The following SUCLA2 variants were observed in gnomAD, a reference collection of about 807,000 sequenced individuals.
The protein encoded by SUCLA2 is succinate--CoA ligase [ADP-forming] subunit beta, mitochondrial.
SUCLA2 carries 30 observed loss-of-function variants against 54.8 expected under a neutral mutation model. That is an observed-to-expected ratio of 0.55 (90% CI 0.41 to 0.74). The LOEUF (loss-of-function observed/expected upper bound fraction) is 0.74, where lower values mean the gene tolerates loss of function less well. Among genes scored for constraint, SUCLA2 ranks in the 30% least tolerant of loss-of-function variants. The probability of loss-of-function intolerance (pLI) is 0.00; values close to 1 mark genes in which losing one functional copy is unlikely to be tolerated. For missense variants in SUCLA2, 476 were observed against 562.9 expected (o/e 0.85, Z 1.56); for synonymous variants, 172 against 188.9 (o/e 0.91, Z 0.74).
intron 6 of SUCLA2, 139 bp downstream of exon 6, chr13:47,968,452 TATTC>T (rs1949936232): frequency 2.2e-6 from 2 of 901,488 alleles, no homozygotes. Flanking sequence ...TATTTGTTCA[TATTC>T]ATTCTATCTG....
Position 47,996,867 on chromosome 13 carries a change from C to A in SUCLA2, c.247G>T (p.Ala83Ser). 1 of 1,613,654 alleles carries A rather than the reference C, an allele frequency of 6.2e-7. No homozygotes were observed. The highest frequency in any genetic ancestry group is 1.7e-5 in the Admixed American group (1 of 59,998). The change falls in exon 2 of 11, where the codon GCT (alanine) becomes TCT (serine). Residue 83 changes from alanine (A) to serine (S), a missense_variant. Around this residue, in one of 2 missense-constraint regions of SUCLA2, gnomAD observed 134 missense variants for 118.7 expected, o/e 1.13. Transcript: ENST00000646932. ...KGYVAKSPDE[A>S]YAIAKKLGSK... ...CCTAATTTTTTGGCAATTGCATAAGCTTCATCTGGTGACTTTGCCACATAT... is the reference window on the plus strand; with the variant it reads ...CCTAATTTTTTGGCAATTGCATAAGATTCATCTGGTGACTTTGCCACATAT...
chr13:47,989,091 T>A, intron 2 of SUCLA2, 110 bp from the exon 3 acceptor site: 1 of 1,089,270 alleles, frequency 9.2e-7, no homozygotes. Flanking sequence ...AAGTCTAATT[T>A]ATTCACAATG....
Position 47,959,270 on chromosome 13 carries a change from A to G in SUCLA2, c.803-4713T>C, listed in dbSNP as rs994746655. Reference sequence around the variant, plus strand: ...AAGGTAGTAAGGAAACAAGTGGGGGAGAAAGGTATGAAAAAAATTATGTAT... The same window carrying G: ...AAGGTAGTAAGGAAACAAGTGGGGGGGAAAGGTATGAAAAAAATTATGTAT... On this transcript the variant is annotated intron_variant, in intron 6 of 10. Transcript: ENST00000646932. Among the ~76,000 whole-genome samples the G allele has an allele frequency of 3.3e-5, 5 of 152,048 alleles. No homozygotes were observed. In the East Asian group the frequency reaches 9.6e-4, roughly 29 times the overall value.
intron 5 of SUCLA2, among the ~76,000 whole-genome samples, chr13:47,969,997 G>A (rs1949949541): frequency 6.6e-6 from 1 of 151,516 alleles, no homozygotes. Context: ...AGCTACTCGA[G>A]AGGCTGAGAC....
intron 2 of SUCLA2, among the ~76,000 whole-genome samples, chr13:47,994,111 T>C (rs1199733991): frequency 1.3e-5 from 2 of 152,034 alleles, no homozygotes; most frequent in East Asian, 3.9e-4. Context: ...TTATGAATTT[T>C]GCAGAAAGTC....
Position 47,943,022 on chromosome 13 carries a change from G to C in SUCLA2, c.*349C>G, listed in dbSNP as rs886050258. 1 of 276,476 alleles carries C rather than the reference G, an allele frequency of 3.6e-6. No individual in the cohort carries two copies. Among genetic ancestry groups the C allele is most frequent in the Non-Finnish European group, 7.0e-6 (1 of 142,174 alleles). 17.1% of individuals were successfully genotyped at this position (276,476 alleles called of 1,614,324 possible). On this transcript the variant is annotated 3_prime_UTR_variant, in exon 11 of 11. Coordinates refer to ENST00000646932, the MANE Select transcript of SUCLA2 (RefSeq NM_003850.3). ...AGATATACTGTATTTTAACACTAAA[G>C]AATAAAGCTTTATCTTCGTATTTAT...
chr13:47,968,476 TA>T, intron 6 of SUCLA2, 118 bp downstream of exon 6: 2 of 1,173,718 alleles, frequency 1.7e-6, no homozygotes, highest in Non-Finnish European at 2.4e-6. Flanking sequence ...GATTTTTTTT[TA>T]AAAAGCTTCT....
chr13:47,979,418 A>G (rs534409212), intron 4 of SUCLA2, among the ~76,000 whole-genome samples: 3 of 152,282 alleles, frequency 2.0e-5, no homozygotes, highest in South Asian at 2.1e-4. Flanking sequence ...TGTTCTCATC[A>G]TAAGTGGGAG....
chr13:47,965,771 A>C (rs1316283688), intron 6 of SUCLA2: 2 of 392,496 alleles, frequency 5.1e-6, no homozygotes, highest in African/African-American at 4.1e-5. Context: ...TATATAAGAG[A>C]ACGTTCTTGG....
chr13:47,956,125 A>T, intron 6 of SUCLA2, among the ~76,000 whole-genome samples: 1 of 152,220 alleles, frequency 6.6e-6, no homozygotes, highest in East Asian at 1.9e-4. Context: ...CCAAATTTAG[A>T]ATAATCAGAA....
chr13:47,954,673 TG>T, intron 6 of SUCLA2, 116 bp from the exon 7 acceptor site: 1 of 1,117,978 alleles, frequency 8.9e-7, no homozygotes, highest in South Asian at 1.5e-5. Context: ...TGTTACTTAA[TG>T]AAAATATTTC....
intron 5 of SUCLA2, among the ~76,000 whole-genome samples, chr13:47,970,080 C>T (rs1593489374): frequency 6.8e-6 from 1 of 147,528 alleles, no homozygotes; most frequent in African/African-American, 2.5e-5. Flanking sequence ...CCTGCCTGGG[C>T]GACAGAGTGA....
At chr13:47,955,624 T>C (rs1431768290) in intron 6 of SUCLA2, among the ~76,000 whole-genome samples, 3 of 152,256 alleles carry the variant, frequency 2.0e-5, no homozygotes, top group South Asian at 2.1e-4. Flanking sequence ...AAAAACTATA[T>C]GTGATCCATA....
At chr13:47,998,174 G>C (rs540084814) in intron 1 of SUCLA2, among the ~76,000 whole-genome samples, 1 of 152,020 alleles carries the variant, frequency 6.6e-6, no homozygotes, top group Non-Finnish European at 1.5e-5. Flanking sequence ...CTACTCCTGA[G>C]ACTGAGGCAG....
intron 2 of SUCLA2, among the ~76,000 whole-genome samples, chr13:47,995,982 G>T (rs1237523767): frequency 6.6e-6 from 1 of 152,062 alleles, no homozygotes; most frequent in African/African-American, 2.4e-5. Context: ...TTACCTAAGT[G>T]TCAGGCATTC....
intron 6 of SUCLA2, among the ~76,000 whole-genome samples, chr13:47,955,732 T>C (rs1949815420): frequency 6.6e-6 from 1 of 152,070 alleles, no homozygotes; most frequent in African/African-American, 2.4e-5. Flanking sequence ...CTAATCAGGC[T>C]TTTACTCCCA....
chr13:47,978,929 G>A (rs763000621), intron 4 of SUCLA2, among the ~76,000 whole-genome samples: 1 of 152,204 alleles, frequency 6.6e-6, no homozygotes, highest in Admixed American at 6.5e-5. Flanking sequence ...TATCATCACT[G>A]GTCATTAGAG....
rs1235426336 is a variant in SUCLA2, at chr13:47,988,528, T to C, written c.534+13A>G. On this transcript the variant is annotated intron_variant, in intron 4 of 10. Coordinates refer to ENST00000646932, the MANE Select transcript of SUCLA2 (RefSeq NM_003850.3). The stretch of plus-strand genomic sequence containing the variant: ...AAATTTATCCCGTATGTATCATGTC[T>C]ACAATTACTCACTTGAAATGACCTT... 4 of 1,613,390 alleles carry C rather than the reference T, an allele frequency of 2.5e-6. No individual in the cohort carries two copies. The highest frequency in any genetic ancestry group is 1.1e-5 in the South Asian group (1 of 91,050).
intron 10 of SUCLA2, among the ~76,000 whole-genome samples, chr13:47,943,762 G>GTATATATATATATATA (rs1419922780): frequency 2.0e-4 from 27 of 133,354 alleles, no homozygotes; most frequent in African/African-American, 8.2e-4. Context: ...GTGTGTGTGT[G>GTATATATATATATATA]TGTGTATATA....
Sources: gnomAD v4.1 joint callset for allele counts (sites outside exome capture counted in the v4.1 genomes callset) on GRCh38, gnomAD v4.1.1 for gene constraint, gnomAD v4.1.1 regional missense constraint, MANE v1.5 for transcripts, NCBI Gene and HGNC (gene_info 2026-07-23, HGNC 2026-07-21) for gene names.